Variants in ENOSF1 observed in about 807,000 individuals in gnomAD.
ENOSF1 encodes enolase superfamily member 1.
Under a neutral mutation model 68.2 loss-of-function variants are expected in ENOSF1, and 73 were observed. The ratio of observed to expected loss-of-function variants is 1.07; its 90% CI spans 0.89 to 1.30. The LOEUF (loss-of-function observed/expected upper bound fraction) is 1.30, where lower values mean the gene tolerates loss of function less well. Among genes scored for constraint, ENOSF1 ranks in the 50% most tolerant of loss-of-function variants. The pLI is 0.00. For missense variants in ENOSF1, 589 were observed against 554.5 expected (o/e 1.06, Z -0.62); for synonymous variants, 223 against 210.4 (o/e 1.06, Z -0.52).
intron 2 of ENOSF1, among the ~76,000 whole-genome samples, chr18:700,914 A>C (rs992531786): frequency 4.4e-5 from 6 of 137,672 alleles, no homozygotes; most frequent in Admixed American, 1.5e-4. Context: ...AAAAAAAAAA[A>C]CAAGAGAAAT....
At chr18:669,472 G>C, downstream of ENOSF1, 1 of 226,690 alleles carries the variant, frequency 4.4e-6, no homozygotes, top group Non-Finnish European at 8.7e-6. Flanking sequence ...TCCTGGGTTC[G>C]AGTGATTCTC....
rs200472936 is a variant in ENOSF1 at position 672,814 on chromosome 18, C to T, written c.*1491G>A. Reference sequence around the variant, plus strand: ...TCACGGACATGAGGAGCAATTACAACAGGTCGTACAATTATGGCAAAATAA... The same window carrying T: ...TCACGGACATGAGGAGCAATTACAATAGGTCGTACAATTATGGCAAAATAA... On this transcript the variant is annotated 3_prime_UTR_variant, in exon 16 of 16. Coordinates refer to ENST00000647584, the MANE Select transcript of ENOSF1 (RefSeq NM_017512.7). 5.7e-5 allele frequency: 87 copies of T among 1,528,748 alleles called. No individual in the cohort carries two copies. The highest frequency in any genetic ancestry group is 5.4e-5 in the Admixed American group (3 of 55,750). 94.7% of individuals were successfully genotyped at this position (1,528,748 alleles called of 1,614,324 possible).
chr18:687,760 A>G (rs984281878), intron 9 of ENOSF1: 2 of 152,882 alleles, frequency 1.3e-5, no homozygotes, highest in African/African-American at 4.8e-5. Context: ...CAGTGTGGAA[A>G]GGAGGTGGCC....
Position 677,675 on chromosome 18 carries a change from C to CTT in ENOSF1, c.1048+67_1048+68insAA, listed in dbSNP as rs1027474017. ...GACTCCCATGCATGTGAATTGCAAA[C>CTT]CATCAAGGGAGGTGTCTGATTAGTG... On this transcript the variant is annotated intron_variant, in intron 13 of 15. Transcript: ENST00000647584. 3.7e-5 allele frequency: 58 copies of CTT among 1,549,872 alleles called. No homozygotes were observed. In the African/African-American group the frequency reaches 6.9e-4, roughly 18 times the overall value.
At chr18:711,951 AC>A (rs2079598149) in intron 1 of ENOSF1, among the ~76,000 whole-genome samples, 1 of 152,152 alleles carries the variant, frequency 6.6e-6, no homozygotes, top group Non-Finnish European at 1.5e-5. Context: ...AAGCGGGATC[AC>A]CACTCAAAAC....
intron 1 of ENOSF1, among the ~76,000 whole-genome samples, chr18:709,367 C>T (rs948129509): frequency 6.6e-6 from 1 of 151,900 alleles, no homozygotes; most frequent in Non-Finnish European, 1.5e-5. Context: ...AGAGAGCACA[C>T]GAAGAAGAGG....
chr18:681,217 CCT>C (rs1324734310), intron 11 of ENOSF1, among the ~76,000 whole-genome samples: 5 of 152,300 alleles, frequency 3.3e-5, no homozygotes, highest in African/African-American at 4.8e-5. Flanking sequence ...CTGGCTGCAT[CCT>C]CTGAGTGGAC....
At position 672,726 on chromosome 18, in the gene ENOSF1, G is replaced by C. The variant is rs1354559994; in HGVS notation, c.*1579C>G. 1 of 971,688 alleles carries C rather than the reference G, an allele frequency of 1.0e-6. No individual in the cohort carries two copies. The highest frequency in any genetic ancestry group is 1.5e-6 in the Non-Finnish European group (1 of 672,850). 60.2% of individuals were successfully genotyped at this position (971,688 alleles called of 1,614,324 possible). A position where few individuals can be genotyped will look rare whatever the true frequency, so the allele number is the denominator to read the frequency against. On this transcript the variant is annotated 3_prime_UTR_variant, in exon 16 of 16. Transcript: ENST00000647584. Reference sequence around the variant, plus strand: ...AATCATGTTACATAACCTACGGCAAGGTATCGACAGGATCATACTCCTGTA... The same window carrying C: ...AATCATGTTACATAACCTACGGCAACGTATCGACAGGATCATACTCCTGTA...
At chr18:701,413 A>G (rs567096611) in intron 2 of ENOSF1, among the ~76,000 whole-genome samples, 10 of 151,936 alleles carry the variant, frequency 6.6e-5, no homozygotes, top group African/African-American at 1.7e-4. Context: ...TGTAACTTCC[A>G]TTCAGTTTTG....
intron 3 of ENOSF1, among the ~76,000 whole-genome samples, chr18:695,274 T>C (rs1028973549): frequency 1.3e-5 from 2 of 152,234 alleles, no homozygotes; most frequent in African/African-American, 4.8e-5. Context: ...CCTTCATGAC[T>C]AGATTCAGGT....
the ENOSF1 span, among the ~76,000 whole-genome samples, chr18:664,451 T>C: frequency 1.4e-5 from 2 of 144,404 alleles, no homozygotes; most frequent in South Asian, 2.3e-4. Flanking sequence ...TATACAATCA[T>C]GTCGTCTGCA....
chr18:694,110 A>G (rs2077479724), intron 4 of ENOSF1, 138 bp downstream of exon 4: 3 of 1,084,896 alleles, frequency 2.8e-6, no homozygotes, highest in East Asian at 5.2e-5. Context: ...AAAACCTCTC[A>G]GAGGAGAAAA....
intron 9 of ENOSF1, chr18:688,246 T>G (rs2076816906): frequency 3.9e-6 from 1 of 259,066 alleles, no homozygotes; most frequent in Non-Finnish European, 7.5e-6. Context: ...CAAGTTAAGC[T>G]CGCTGCCTCT....
rs2075015148 is a variant in ENOSF1, at chr18:670,943, T to C, written c.*3362A>G. The C allele has an allele frequency of 1.3e-6, 2 of 1,518,626 alleles. No individual in the cohort carries two copies. Among genetic ancestry groups the C allele is most frequent in the East Asian group, 2.3e-5 (1 of 44,138 alleles). The allele number at this position is 1,518,626 out of a possible 1,614,324, so 94.1% of individuals were successfully genotyped here. A position where few individuals can be genotyped will look rare whatever the true frequency, so the allele number is the denominator to read the frequency against. ...CAGTTCTTTAATATGGGAAAACAAA[T>C]TGCAGAGTTTAGTCTCTGATTAGCT... On this transcript the variant is annotated 3_prime_UTR_variant, in exon 16 of 16. Coordinates refer to ENST00000647584, the MANE Select transcript of ENOSF1 (RefSeq NM_017512.7).
Position 672,389 on chromosome 18 carries a change from A to T in ENOSF1, c.*1916T>A, listed in dbSNP as rs1207043580. The T allele has an allele frequency of 1.3e-5, 2 of 153,832 alleles. No individual in the cohort carries two copies. The highest frequency in any genetic ancestry group is 2.4e-5 in the African/African-American group (1 of 41,426). 9.5% of individuals were successfully genotyped at this position (153,832 alleles called of 1,614,324 possible). On this transcript the variant is annotated 3_prime_UTR_variant, in exon 16 of 16. Coordinates refer to ENST00000647584, the MANE Select transcript of ENOSF1 (RefSeq NM_017512.7). ...TTTTTAGACATAGTAATAGGTTGTG[A>T]CCTGTCTTCACATCCTAATTGCCAC... is the stretch of plus-strand genomic sequence containing the variant.
chr18:684,119 G>A (rs529763230), intron 10 of ENOSF1, among the ~76,000 whole-genome samples: 305 of 151,478 alleles, frequency 2.0e-3, no homozygotes, highest in Admixed American at 2.5e-3. Flanking sequence ...TCAGCCTCCC[G>A]AGTAGCTGGG....
intron 2 of ENOSF1, among the ~76,000 whole-genome samples, chr18:701,050 GC>G (rs2078291991): frequency 6.6e-6 from 1 of 152,056 alleles, no homozygotes. Flanking sequence ...ATTCTCTGGA[GC>G]CTCTAGCACT....
chr18:691,731 A>C, intron 5 of ENOSF1: 1 of 162,048 alleles, frequency 6.2e-6, no homozygotes, highest in East Asian at 1.8e-4. Flanking sequence ...TGTCATTCCT[A>C]AATGTAGAGT....
At chr18:705,839 T>A (rs1191581484) in intron 2 of ENOSF1, among the ~76,000 whole-genome samples, 4 of 151,952 alleles carry the variant, frequency 2.6e-5, no homozygotes, top group Non-Finnish European at 1.5e-5. Context: ...TGAAACCCTG[T>A]CTCTACTAAA....
Sources: gnomAD v4.1 joint callset for allele counts (sites outside exome capture counted in the v4.1 genomes callset) on GRCh38, gnomAD v4.1.1 for gene constraint, MANE v1.5 for transcripts, NCBI Gene and HGNC (gene_info 2026-07-23, HGNC 2026-07-21) for gene names.